The following RIMS2 variants were observed in gnomAD, a reference collection of about 807,000 sequenced individuals.
The protein encoded by RIMS2 is regulating synaptic membrane exocytosis protein 2.
A neutral mutation model predicts 174.4 loss-of-function variants in RIMS2; 59 were observed. The ratio of observed to expected loss-of-function variants is 0.34; its 90% CI spans 0.27 to 0.42. The LOEUF (loss-of-function observed/expected upper bound fraction) is 0.42. RIMS2 is among the 10% of genes least tolerant of loss of function. The pLI, the probability that RIMS2 is intolerant of heterozygous loss-of-function variation, is 1.00. For missense variants in RIMS2, 1,620 were observed against 1,666.3 expected, an observed-to-expected ratio of 0.97 and a Z score of 0.48; for synonymous variants, 606 against 572.5, an observed-to-expected ratio of 1.06 and a Z score of -0.84.
intron 1 of RIMS2, among the ~76,000 whole-genome samples, chr8:103,610,678 C>T (rs377427889): frequency 6.6e-6 from 1 of 152,162 alleles, no homozygotes; most frequent in Admixed American, 6.5e-5. Flanking sequence ...ACGGCTAAAA[C>T]CAATTTGATT....
chr8:104,207,669 TGG>T (rs1468882316), intron 19 of RIMS2, among the ~76,000 whole-genome samples: 1 of 151,768 alleles, frequency 6.6e-6, no homozygotes, highest in Non-Finnish European at 1.5e-5. Context: ...CAAAATTAGC[TGG>T]GCCTGGTGGC....
intron 19 of RIMS2, among the ~76,000 whole-genome samples, chr8:104,023,083 A>G (rs1299778172): frequency 6.6e-6 from 1 of 152,194 alleles, no homozygotes; most frequent in East Asian, 1.9e-4. Context: ...AATAAAGTTC[A>G]TGAGTAAGTT....
intron 10 of RIMS2, among the ~76,000 whole-genome samples, chr8:103,924,495 C>T (rs1005429953): frequency 6.6e-6 from 1 of 151,600 alleles, no homozygotes; most frequent in East Asian, 1.9e-4. Flanking sequence ...AATATATCTA[C>T]ATATATCAAC....
At chr8:103,655,944 T>C (rs1010950305) in intron 1 of RIMS2, among the ~76,000 whole-genome samples, 2 of 152,104 alleles carry the variant, frequency 1.3e-5, no homozygotes, top group African/African-American at 4.8e-5. Flanking sequence ...AAAGAACATA[T>C]TGACTGCTCT....
At chr8:103,900,738 T>C (rs1445224688) in intron 4 of RIMS2, among the ~76,000 whole-genome samples, 2 of 152,156 alleles carry the variant, frequency 1.3e-5, no homozygotes, top group Non-Finnish European at 2.9e-5. Context: ...TACTGTTACC[T>C]GAGAAAACAG....
intron 19 of RIMS2, among the ~76,000 whole-genome samples, chr8:104,126,064 G>A (rs2098426178): frequency 3.9e-5 from 6 of 152,032 alleles, no homozygotes; most frequent in Admixed American, 3.9e-4. Context: ...GCTAGAAGGT[G>A]GACTAGATCA....
intron 1 of RIMS2, among the ~76,000 whole-genome samples, chr8:103,548,961 A>T (rs1181530273): frequency 6.6e-6 from 1 of 152,188 alleles, no homozygotes; most frequent in Non-Finnish European, 1.5e-5. Context: ...ACAGCTAACT[A>T]GGGAGGTGAA....
At chr8:104,155,751 T>C (rs1252941828) in intron 19 of RIMS2, among the ~76,000 whole-genome samples, 2 of 152,070 alleles carry the variant, frequency 1.3e-5, no homozygotes, top group East Asian at 3.9e-4. Context: ...AATGAGAAAA[T>C]AGGAAAGTGG....
intron 3 of RIMS2, among the ~76,000 whole-genome samples, chr8:103,776,494 G>GT (rs1342050973): frequency 1.3e-5 from 2 of 152,062 alleles, no homozygotes; most frequent in Admixed American, 6.6e-5. Flanking sequence ...TAGTCTGGAT[G>GT]TTTTTTTCTC....
intron 19 of RIMS2, among the ~76,000 whole-genome samples, chr8:104,187,818 T>G (rs2098976020): frequency 6.6e-6 from 1 of 151,872 alleles, no homozygotes; most frequent in Admixed American, 6.6e-5. Context: ...TTGATAAAAT[T>G]TTTCAAGCTT....
At chr8:104,164,185 T>TAG (rs369685425) in intron 19 of RIMS2, among the ~76,000 whole-genome samples, 1 of 151,880 alleles carries the variant, frequency 6.6e-6, no homozygotes, top group African/African-American at 2.4e-5. Flanking sequence ...ATCCTGGAAT[T>TAG]ATCTTTCCTG....
chr8:104,248,650 G>A (rs1161619697), intron 20 of RIMS2, 51 bp from the exon 27 acceptor site: 1 of 997,296 alleles, frequency 1.0e-6, no homozygotes, highest in Non-Finnish European at 1.6e-6. Flanking sequence ...AAGCTTACCT[G>A]AAAATAAATA....
chr8:104,249,481 C>T lies in RIMS2; in HGVS notation c.3590-6C>T, dbSNP rs1431947560. ...AAGCACATTTGTTCCTTCCTTCTTC[C>T]ATTAGGTGACATTCAGGTAGGAATG... On this transcript the variant is annotated splice_region_variant and splice_polypyrimidine_tract_variant and intron_variant, in intron 21 of 23. Coordinates refer to ENST00000504942, the Ensembl canonical transcript of RIMS2. 1.1e-5 allele frequency: 17 copies of T among 1,515,110 alleles called. No homozygotes were observed. The highest frequency in any genetic ancestry group is 1.5e-5 in the Non-Finnish European group (16 of 1,090,970). 93.9% of individuals were successfully genotyped at this position (1,515,110 alleles called of 1,614,324 possible).
intron 3 of RIMS2, among the ~76,000 whole-genome samples, chr8:103,818,052 G>A (rs2098728858): frequency 6.6e-6 from 1 of 151,880 alleles, no homozygotes; most frequent in Admixed American, 6.6e-5. Context: ...TCTTAGTTGA[G>A]AAGAAACCCA....
chr8:103,810,502 A>C (rs1592914478), intron 3 of RIMS2, among the ~76,000 whole-genome samples: 1 of 152,310 alleles, frequency 6.6e-6, no homozygotes, highest in East Asian at 1.9e-4. Flanking sequence ...GTCATATGCA[A>C]GTTCTAGTGA....
At chr8:103,826,570 G>A (rs2098792228) in intron 3 of RIMS2, among the ~76,000 whole-genome samples, 1 of 151,764 alleles carries the variant, frequency 6.6e-6, no homozygotes, top group South Asian at 2.1e-4. Flanking sequence ...TCTGATCTGT[G>A]CAATATGCCA....
chr8:103,830,578 C>T (rs2098819451), intron 3 of RIMS2, among the ~76,000 whole-genome samples: 1 of 152,110 alleles, frequency 6.6e-6, no homozygotes, highest in African/African-American at 2.4e-5. Context: ...AATGTGTATT[C>T]TGTACTTGCT....
intron 3 of RIMS2, among the ~76,000 whole-genome samples, chr8:103,871,789 T>G (rs1257159284): frequency 6.6e-6 from 1 of 152,178 alleles, no homozygotes; most frequent in Non-Finnish European, 1.5e-5. Flanking sequence ...GTGTTTGTTT[T>G]TTTTTTACAT....
At position 104,093,725 on chromosome 8, in the gene RIMS2, T is replaced by C; in HGVS notation, c.3334+79110T>C. The C allele has an allele frequency of 4.7e-6, 5 of 1,070,496 alleles. No individual in the cohort carries two copies. In the South Asian group the frequency reaches 8.3e-5, roughly 18 times the overall value. The allele number at this position is 1,070,496 out of a possible 1,614,324, so 66.3% of individuals were successfully genotyped here. ...TCCCGGATGAACATAAAATTATTTA[T>C]TTCTAACAGGTTAATATATATTTTA... On this transcript the variant is annotated intron_variant, in intron 19 of 23. Coordinates refer to ENST00000504942, the Ensembl canonical transcript of RIMS2.
Sources: gnomAD v4.1 joint callset for allele counts (sites outside exome capture counted in the v4.1 genomes callset) on GRCh38, gnomAD v4.1.1 for gene constraint, MANE v1.5 for transcripts, NCBI Gene and HGNC (gene_info 2026-07-23, HGNC 2026-07-21) for gene names.